The following KNL1 variants were observed in gnomAD, a reference collection of about 807,000 sequenced individuals.
The protein encoded by KNL1 is outer kinetochore KNL1 complex subunit KNL1.
KNL1 carries 66 observed loss-of-function variants against 201.3 expected under a neutral mutation model. The ratio of observed to expected loss-of-function variants is 0.33; its 90% CI spans 0.27 to 0.40. The LOEUF (loss-of-function observed/expected upper bound fraction) is 0.40. Among genes scored for constraint, KNL1 ranks in the 10% least tolerant of loss-of-function variants. The pLI is 1.00. For missense variants in KNL1, 2,815 were observed against 2,690.5 expected (o/e 1.05, Z -1.02); for synonymous variants, 895 against 899.2 (o/e 1.00, Z 0.08).
intron 7 of KNL1, among the ~76,000 whole-genome samples, chr15:40,613,828 C>T (rs1357332800): frequency 3.3e-5 from 5 of 151,914 alleles, no homozygotes; most frequent in Admixed American, 6.6e-5. Context: ...GATAGAGTCT[C>T]GCTCCGTCAC....
intron 1 of KNL1, among the ~76,000 whole-genome samples, chr15:40,601,281 C>T (rs994804228): frequency 7.2e-5 from 11 of 152,160 alleles, no homozygotes; most frequent in African/African-American, 2.4e-4. Flanking sequence ...GAAACCATCC[C>T]CCATCACACC....
At chr15:40,603,946 CTGGGTTTTTGCCATAGCAA>C (rs1202354019) in intron 2 of KNL1, among the ~76,000 whole-genome samples, 2 of 152,214 alleles carry the variant, frequency 1.3e-5, no homozygotes, top group African/African-American at 2.4e-5. Flanking sequence ...CAGGTAACTG[CTGGGTTTTTGCCATAGCAA>C]TGGTAAACTG....
At chr15:40,603,222 G>T (rs1348810166) in intron 2 of KNL1, among the ~76,000 whole-genome samples, 1 of 152,068 alleles carries the variant, frequency 6.6e-6, no homozygotes, top group Non-Finnish European at 1.5e-5. Flanking sequence ...TTCTCCTAAT[G>T]CTATCCCTCT....
chr15:40,605,180 T>A lies in KNL1; in HGVS notation c.75+31T>A, dbSNP rs1365930553. 6.4e-6 allele frequency: 8 copies of A among 1,241,480 alleles called. 1 individual carries two copies. The highest frequency in any genetic ancestry group is 9.5e-6 in the Non-Finnish European group (8 of 841,528). The allele number at this position is 1,241,480 out of a possible 1,614,324, so 76.9% of individuals were successfully genotyped here. A position where few individuals can be genotyped will look rare whatever the true frequency, so the allele number is the denominator to read the frequency against. ...AAAGACTTTCTTGAATTAATAATTG[T>A]CAGCTTTTATTTAATGATAACCATA... On this transcript the variant is annotated intron_variant, in intron 3 of 25. Transcript: ENST00000399668.
chr15:40,642,726 C>A (rs1291268745), intron 14 of KNL1, among the ~76,000 whole-genome samples: 1 of 152,120 alleles, frequency 6.6e-6, no homozygotes, highest in Non-Finnish European at 1.5e-5. Flanking sequence ...ATCCTGGGTT[C>A]AAGCGATTCT....
chr15:40,594,506 C>T (rs959582013), intron 1 of KNL1, 114 bp downstream of exon 1: 7 of 152,326 alleles, frequency 4.6e-5, no homozygotes, highest in African/African-American at 1.7e-4. Context: ...CTGGCGGCCT[C>T]CGTTAGCGCC....
chr15:40,598,583 C>G (rs1335898585), intron 1 of KNL1, among the ~76,000 whole-genome samples: 1 of 151,290 alleles, frequency 6.6e-6, no homozygotes, highest in African/African-American at 2.4e-5. Flanking sequence ...CCCCCTCCGG[C>G]CCCCCAAAAA....
chr15:40,625,256 T>C lies in KNL1; in HGVS notation c.4992T>C (p.Ser1664=), dbSNP rs746870252. 1.2e-5 allele frequency: 19 copies of C among 1,613,938 alleles called. No individual in the cohort carries two copies. The highest frequency in any genetic ancestry group is 1.5e-5 in the Non-Finnish European group (18 of 1,179,972). ...GATTGCCCAACAAGAGAAATTGTAG[T>C]GTCACTGGTATTGATGACCTGGAAC... ...LPRLPNKRNC[S]VTGIDDLEQI... The change falls in exon 10 of 26, where the codon AGT becomes AGC. Residue 1664 remains serine, a synonymous_variant. Coordinates refer to ENST00000399668, the MANE Select transcript of KNL1 (RefSeq NM_144508.5).
Position 40,615,215 on chromosome 15 carries a change from G to A in KNL1, c.285-126G>A, listed in dbSNP as rs373989333. On this transcript the variant is annotated intron_variant, in intron 7 of 25. Coordinates refer to ENST00000399668, the MANE Select transcript of KNL1 (RefSeq NM_144508.5). The stretch of plus-strand genomic sequence containing the variant: ...TTAGATGAGTCTTTTTTAAAAAGAT[G>A]TCTTTATAATTTTCTGCTAGTCATT... 2.6e-5 allele frequency: 9 copies of A among 351,334 alleles called. No homozygotes were observed. In the East Asian group the frequency reaches 3.5e-4, roughly 14 times the overall value. The allele number at this position is 351,334 out of a possible 1,614,324, so 21.8% of individuals were successfully genotyped here. A position where few individuals can be genotyped will look rare whatever the true frequency, so the allele number is the denominator to read the frequency against.
intron 14 of KNL1, among the ~76,000 whole-genome samples, chr15:40,643,808 G>C (rs1330173030): frequency 2.6e-5 from 4 of 152,174 alleles, no homozygotes; most frequent in Non-Finnish European, 5.9e-5. Flanking sequence ...TGACATTCTT[G>C]AACTACTATT....
At chr15:40,612,424 G>A (rs559567451) in intron 7 of KNL1, among the ~76,000 whole-genome samples, 4 of 148,348 alleles carry the variant, frequency 2.7e-5, no homozygotes, top group East Asian at 4.0e-4. Flanking sequence ...CCCGGGAGGC[G>A]GAGGTTGCAG....
chr15:40,594,736 C>A (rs924142386), intron 1 of KNL1, among the ~76,000 whole-genome samples: 1 of 152,258 alleles, frequency 6.6e-6, no homozygotes, highest in African/African-American at 2.4e-5. Context: ...TTCTTGCACC[C>A]CTGCCGCTCT....
At chr15:40,606,848 C>T (rs994591172) in intron 4 of KNL1, among the ~76,000 whole-genome samples, 3 of 152,154 alleles carry the variant, frequency 2.0e-5, no homozygotes, top group African/African-American at 4.8e-5. Flanking sequence ...CAACCTCCTC[C>T]CCCTGGGCTC....
At chr15:40,638,819 T>TG (rs1893135758) in intron 13 of KNL1, among the ~76,000 whole-genome samples, 1 of 147,964 alleles carries the variant, frequency 6.8e-6, no homozygotes, top group East Asian at 2.0e-4. Flanking sequence ...TTTCTTTCTT[T>TG]TTTTTTTTTG....
In KNL1 at chr15:40,624,073, C is replaced by T. The variant is rs372131773; in HGVS notation, c.3809C>T (p.Ala1270Val). The T allele has an allele frequency of 4.3e-5, 69 of 1,613,950 alleles. No individual in the cohort carries two copies. In the South Asian group the frequency reaches 7.2e-4, roughly 17 times the overall value. The change falls in exon 10 of 26, where the codon GCG (alanine) becomes GTG (valine). Residue 1270 changes from alanine to valine, a missense_variant. By Grantham distance (64) the Ala-to-Val change is moderately conservative. Around this residue, in one of 3 missense-constraint regions of KNL1, gnomAD observed 2,464 missense variants for 2,291.7 expected, o/e 1.08. Transcript: ENST00000399668. ...GACCAGGCCTGTACATTGGAAAAAG[C>T]GCAAGTTGAAAGCTGTCAGTTAAAT... ...VVDQACTLEK[A>V]QVESCQLNNR...
chr15:40,610,681 C>T, intron 6 of KNL1: 3 of 450,802 alleles, frequency 6.7e-6, no homozygotes, highest in South Asian at 4.9e-5. Context: ...CAGAGCAAGA[C>T]TCTGTCTCAA....
At chr15:40,661,273 A>T (rs981512307) in intron 25 of KNL1, among the ~76,000 whole-genome samples, 8 of 152,024 alleles carry the variant, frequency 5.3e-5, no homozygotes, top group Middle Eastern at 3.4e-3. Flanking sequence ...TGGGTGGATC[A>T]TGAGGTCAGG....
intron 21 of KNL1, among the ~76,000 whole-genome samples, chr15:40,653,080 T>G (rs1185496968): frequency 6.6e-6 from 1 of 152,216 alleles, no homozygotes. Context: ...AGCGTTACCT[T>G]CTGTCCAGGT....
intron 7 of KNL1, among the ~76,000 whole-genome samples, chr15:40,614,547 C>T (rs1220216977): frequency 2.6e-5 from 4 of 152,164 alleles, no homozygotes; most frequent in African/African-American, 9.7e-5. Context: ...CCCTCTTCTT[C>T]AGGTGACTCA....
Sources: allele counts gnomAD v4.1 joint callset (sites outside exome capture counted in the v4.1 genomes callset), GRCh38; gene constraint gnomAD v4.1.1; regional missense constraint gnomAD v4.1.1; transcripts MANE v1.5; gene names NCBI Gene and HGNC (gene_info 2026-07-23, HGNC 2026-07-21).